SLC44A5: variants seen among roughly 807,000 people sequenced by gnomAD.
SLC44A5 encodes the protein solute carrier family 44 member 5.
Under a neutral mutation model 101.8 loss-of-function variants are expected in SLC44A5, and 57 were observed. The observed-to-expected ratio is 0.56, with a 90% CI of 0.45 to 0.70. The LOEUF is 0.70. Among genes scored for constraint, SLC44A5 ranks in the 30% least tolerant of loss-of-function variants. The pLI is 0.00. For synonymous variants in SLC44A5, 281 were observed against 290.9 expected, an observed-to-expected ratio of 0.97 and a Z score of 0.35; for missense variants, 737 against 853.1, an observed-to-expected ratio of 0.86 and a Z score of 1.70.
the SLC44A5 span, among the ~76,000 whole-genome samples, chr1:75,640,332 C>A: frequency 6.6e-6 from 1 of 151,998 alleles, no homozygotes; most frequent in African/African-American, 2.4e-5. Flanking sequence ...CACATGGTGG[C>A]AGAAGTGCTC....
At chr1:75,519,905 GTT>G (rs1378280982) in intron 2 of SLC44A5, among the ~76,000 whole-genome samples, 2 of 152,250 alleles carry the variant, frequency 1.3e-5, no homozygotes, top group African/African-American at 4.8e-5. Flanking sequence ...TCCCTTTAGA[GTT>G]TACAGTGTGG....
chr1:75,520,122 A>G (rs1187634718), intron 2 of SLC44A5, among the ~76,000 whole-genome samples: 1 of 152,222 alleles, frequency 6.6e-6, no homozygotes, highest in Admixed American at 6.5e-5. Context: ...GTCATCACAC[A>G]ATGTCCTATA....
the SLC44A5 span, among the ~76,000 whole-genome samples, chr1:75,673,577 G>A: frequency 3.9e-5 from 6 of 152,144 alleles, no homozygotes; most frequent in African/African-American, 1.4e-4. Context: ...GAACATAGGT[G>A]GTAGGTAGGG....
chr1:75,316,711 T>C (rs892969872), intron 4 of SLC44A5, among the ~76,000 whole-genome samples: 1 of 152,266 alleles, frequency 6.6e-6, no homozygotes, highest in African/African-American at 2.4e-5. Context: ...AGGGTTAGTA[T>C]TCTGATTTAA....
chr1:75,311,035 A>C (rs1182307971), intron 4 of SLC44A5, among the ~76,000 whole-genome samples: 1 of 152,014 alleles, frequency 6.6e-6, no homozygotes, highest in African/African-American at 2.4e-5. Flanking sequence ...ATATGCATAT[A>C]TATTTAAATC....
intron 4 of SLC44A5, among the ~76,000 whole-genome samples, chr1:75,301,154 A>G (rs1654421183): frequency 6.6e-6 from 1 of 152,160 alleles, no homozygotes; most frequent in Non-Finnish European, 1.5e-5. Flanking sequence ...TTAACTTTCT[A>G]TGGAGAACTG....
chr1:75,697,239 C>T, the SLC44A5 span, among the ~76,000 whole-genome samples: 1 of 152,120 alleles, frequency 6.6e-6, no homozygotes, highest in Non-Finnish European at 1.5e-5. Flanking sequence ...AACACTCTGT[C>T]TTCACAAAAA....
chr1:75,338,308 A>T (rs922078425), intron 4 of SLC44A5, among the ~76,000 whole-genome samples: 1 of 152,192 alleles, frequency 6.6e-6, no homozygotes, highest in African/African-American at 2.4e-5. Context: ...ATAATGGAAG[A>T]CAGGAGATCT....
chr1:75,544,199 C>A (rs191490086), intron 1 of SLC44A5, among the ~76,000 whole-genome samples: 1 of 152,022 alleles, frequency 6.6e-6, no homozygotes, highest in African/African-American at 2.4e-5. Context: ...GAGTTTGGCC[C>A]GATTTGTTGC....
At chr1:75,347,656 T>C (rs1658345494) in intron 3 of SLC44A5, among the ~76,000 whole-genome samples, 1 of 149,716 alleles carries the variant, frequency 6.7e-6, no homozygotes, top group Non-Finnish European at 1.5e-5. Context: ...GGAGAGATCT[T>C]CTTTCCCAGG....
At chr1:75,334,293 A>G (rs1159764045) in intron 4 of SLC44A5, among the ~76,000 whole-genome samples, 1 of 152,182 alleles carries the variant, frequency 6.6e-6, no homozygotes, top group African/African-American at 2.4e-5. Context: ...CTGAATGCAT[A>G]AATAAACTAT....
chr1:75,714,995 C>T, the SLC44A5 span, among the ~76,000 whole-genome samples: 1 of 152,154 alleles, frequency 6.6e-6, no homozygotes, highest in Non-Finnish European at 1.5e-5. Context: ...CATTTCTATA[C>T]ACCAACAATG....
the SLC44A5 span, among the ~76,000 whole-genome samples, chr1:75,677,018 A>C: frequency 6.6e-6 from 1 of 152,216 alleles, no homozygotes; most frequent in Non-Finnish European, 1.5e-5. Flanking sequence ...TTCGGTGAAC[A>C]TGAAGGAGAA....
At chr1:75,549,851 C>T (rs191216810) in intron 1 of SLC44A5, among the ~76,000 whole-genome samples, 21 of 152,090 alleles carry the variant, frequency 1.4e-4, no homozygotes, top group Admixed American at 1.3e-3. Context: ...CAGATGTGAA[C>T]ATCCTGTAAA....
intron 3 of SLC44A5, among the ~76,000 whole-genome samples, chr1:75,347,036 T>G (rs746184648): frequency 5.3e-5 from 8 of 152,172 alleles, no homozygotes; most frequent in Admixed American, 2.0e-4. Flanking sequence ...ATGATAATTT[T>G]CATCATTAAA....
At chr1:75,410,848 C>A (rs578057637) in intron 2 of SLC44A5, among the ~76,000 whole-genome samples, 2 of 152,186 alleles carry the variant, frequency 1.3e-5, no homozygotes, top group East Asian at 1.9e-4. Context: ...CCCAAAATTT[C>A]TTGAGCAGCT....
chr1:75,333,362 C>T (rs1657192523), intron 4 of SLC44A5, among the ~76,000 whole-genome samples: 3 of 152,088 alleles, frequency 2.0e-5, no homozygotes, highest in East Asian at 1.9e-4. Context: ...TATTTATTAG[C>T]GTGACTCTTT....
intron 5 of SLC44A5, among the ~76,000 whole-genome samples, chr1:75,288,814 G>T (rs938927975): frequency 6.6e-6 from 1 of 152,072 alleles, no homozygotes; most frequent in African/African-American, 2.4e-5. Context: ...CTTTTACCTG[G>T]TAAGGACAGT....
At chr1:75,495,542 A>G (rs1358064246) in intron 2 of SLC44A5, among the ~76,000 whole-genome samples, 1 of 152,084 alleles carries the variant, frequency 6.6e-6, no homozygotes, top group African/African-American at 2.4e-5. Flanking sequence ...ATTCCAGCAA[A>G]GAAACAGAAA....
Sources: allele counts gnomAD v4.1 joint callset (sites outside exome capture counted in the v4.1 genomes callset), GRCh38; gene constraint gnomAD v4.1.1; transcripts MANE v1.5; gene names NCBI Gene and HGNC (gene_info 2026-07-23, HGNC 2026-07-21).